The following AVPR2 variants were observed in gnomAD, a reference collection of about 807,000 sequenced individuals.
The protein encoded by AVPR2 is arginine vasopressin receptor 2.
In AVPR2, 3 loss-of-function variants were observed where a neutral mutation model predicts 12.0. That is an observed-to-expected ratio of 0.25 (90% confidence interval 0.11 to 0.64). The LOEUF is 0.64. AVPR2 is among the 30% of genes least tolerant of loss of function. The pLI is 0.84. For synonymous variants in AVPR2, 143 were observed against 147.5 expected (o/e 0.97, Z 0.22); for missense variants, 279 against 347.9 (o/e 0.80, Z 1.58).
upstream of AVPR2, among the ~76,000 whole-genome samples, chrX:153,904,530 G>A (rs1230539874): frequency 8.9e-6 from 1 of 111,751 alleles, no homozygotes; most frequent in Non-Finnish European, 1.9e-5. Context: ...GTGAGGGTGG[G>A]CGTGGAGGCT....
In AVPR2 at chrX:153,904,990, A is replaced by C. The variant is rs781941435; in HGVS notation, c.-156A>C. On this transcript the variant is annotated 5_prime_UTR_variant, in exon 2 of 4. Transcript: ENST00000646375. ...CCTGCCCAGGACTGGCCATACTGCCACCGACACGTGCACACACGCCAACAG... is the reference window on the plus strand; with the variant it reads ...CCTGCCCAGGACTGGCCATACTGCCCCCGACACGTGCACACACGCCAACAG... 13 of 634,238 alleles carry C rather than the reference A, an allele frequency of 2.0e-5. No homozygotes were observed. The East Asian group carries it at 4.3e-4, about 21-fold the overall frequency. 52.3% of individuals were successfully genotyped at this position (634,238 alleles called of 1,213,427 possible).
upstream of AVPR2, chrX:153,902,745 G>T (rs1420050175): frequency 9.1e-6 from 3 of 329,839 alleles, no homozygotes; most frequent in Admixed American, 9.3e-5. Flanking sequence ...TTAACAACAG[G>T]AAGCGAGGAG....
chrX:153,903,813 T>TTGGGCTGGGC (rs1242666049), upstream of AVPR2, among the ~76,000 whole-genome samples: 3 of 107,723 alleles, frequency 2.8e-5, no homozygotes, highest in East Asian at 2.9e-4. Flanking sequence ...AGCAGCTGCC[T>TTGGGCTGGGC]TGGGCTGGGC....
rs1557100787 is a variant in AVPR2 at position 153,906,106 on chromosome X, G to A, written c.600G>A (p.Trp200Ter). ...GCTGGGCCTGCTTTGCGGAGCCCTG[G>A]GGCCGTCGCACCTATGTCACCTGGA... ...TDCWACFAEPWGRRTYVTWIA... is the reference protein window; with the variant it reads ...TDCWACFAEP The change falls in exon 3 of 4, where the codon TGG becomes TGA. Residue 200 changes from tryptophan to a stop codon, truncating the protein, a stop_gained. Transcript: ENST00000646375. LOFTEE classifies it high-confidence loss of function. 1 of 1,212,246 alleles carries A rather than the reference G, an allele frequency of 8.2e-7. No individual in the cohort carries two copies. Among genetic ancestry groups the A allele is most frequent in the East Asian group, 3.0e-5 (1 of 33,863 alleles).
In AVPR2 at chrX:153,905,667, G is replaced by C; in HGVS notation, c.161G>C (p.Ser54Thr). ...LSIVFVAVAL[S>T]NGLVLAALAR... The stretch of plus-strand genomic sequence containing the variant: ...ATAGTCTTTGTGGCTGTGGCCCTGA[G>C]CAATGGCCTGGTGCTGGCGGCCCTA... Residue 54 changes from serine to threonine, a missense_variant, in exon 3 of 4, where the codon AGC becomes ACC. Transcript: ENST00000646375. The C allele has an allele frequency of 8.3e-7, 1 of 1,211,643 alleles. No homozygotes were observed. Among genetic ancestry groups the C allele is most frequent in the Non-Finnish European group, 1.1e-6 (1 of 895,377 alleles).
Position 153,905,575 on chromosome X carries a change from C to G in AVPR2, c.69C>G (p.Ser23Arg). 1.7e-6 allele frequency: 2 copies of G among 1,203,565 alleles called. No individual in the cohort carries two copies. Among genetic ancestry groups the G allele is most frequent in the Non-Finnish European group, 2.2e-6 (2 of 891,671 alleles). ...HPSLPSLPSN[S>R]SQERPLDTRD... ...CTCTGCCCAGCCTGCCCAGCAACAG[C>G]AGCCAGGAGAGGCCACTGGACACCC... Residue 23 changes from serine (S) to arginine (R), a missense_variant, in exon 3 of 4, where the codon AGC becomes AGG. Coordinates refer to ENST00000646375, the MANE Select transcript of AVPR2 (RefSeq NM_000054.7).
chrX:153,905,392 T>G (rs2064955135), intron 2 of AVPR2, 140 bp from the exon 3 acceptor site: 2 of 813,284 alleles, frequency 2.5e-6, no homozygotes, highest in Non-Finnish European at 3.6e-6. Flanking sequence ...GGGGTGTGTA[T>G]CCCTCATAAC....
chrX:153,907,110 T>A lies in AVPR2; in HGVS notation c.*382T>A, dbSNP rs782111421. The stretch of plus-strand genomic sequence containing the variant: ...CCAGGGGACCTTCCTGTCTCCGCCT[T>A]TCTAATCCCTCCCTCCTCATTCTCT... On this transcript the variant is annotated 3_prime_UTR_variant, in exon 4 of 4. Coordinates refer to ENST00000646375, the MANE Select transcript of AVPR2 (RefSeq NM_000054.7). 5.8e-5 allele frequency: 22 copies of A among 379,643 alleles called. No individual in the cohort carries two copies. Among genetic ancestry groups the A allele is most frequent in the Non-Finnish European group, 1.1e-4 (22 of 203,145 alleles). 31.3% of individuals were successfully genotyped at this position (379,643 alleles called of 1,213,427 possible).
upstream of AVPR2, among the ~76,000 whole-genome samples, chrX:153,903,323 C>G (rs782434973): frequency 2.0e-4 from 14 of 71,161 alleles, no homozygotes; most frequent in South Asian, 8.0e-3. Context: ...CAGCCTGCCC[C>G]CAAGGGGCTC....
Position 153,906,510 on chromosome X carries a change from T to C in AVPR2, c.911-13T>C, listed in dbSNP as rs782650466. 3.3e-5 allele frequency: 40 copies of C among 1,206,716 alleles called. No individual in the cohort carries two copies. The highest frequency in any genetic ancestry group is 4.5e-5 in the Non-Finnish European group (40 of 893,379). On this transcript the variant is annotated splice_polypyrimidine_tract_variant and intron_variant, in intron 3 of 3. Transcript: ENST00000646375. ...GCCATCCTGAACCCAACCTAGATCC[T>C]CCACCTCCACAGGGGCGCCCTTTGT... is the stretch of plus-strand genomic sequence containing the variant.
Position 153,906,108 on chromosome X carries a change from G to T in AVPR2, c.602G>T (p.Gly201Val). The change falls in exon 3 of 4, where the codon GGC becomes GTC. Residue 201 changes from glycine to valine, a missense_variant. Physicochemically the swap from Gly to Val is moderately radical, Grantham distance 109 (BLOSUM62 -3). Transcript: ENST00000646375. ...TGGGCCTGCTTTGCGGAGCCCTGGG[G>T]CCGTCGCACCTATGTCACCTGGATT... ...DCWACFAEPW[G>V]RRTYVTWIAL... 2.5e-6 allele frequency: 3 copies of T among 1,212,338 alleles called. No individual in the cohort carries two copies. The highest frequency in any genetic ancestry group is 3.3e-6 in the Non-Finnish European group (3 of 895,601).
chrX:153,906,453 T>C, intron 3 of AVPR2, 37 bp downstream of exon 3: 1 of 1,202,344 alleles, frequency 8.3e-7, no homozygotes, highest in East Asian at 3.0e-5. Flanking sequence ...CGGGGCCACT[T>C]GGGCTTGGCC....
chrX:153,903,813 TTGGGC>T (rs1242666049), upstream of AVPR2, among the ~76,000 whole-genome samples: 2 of 107,762 alleles, frequency 1.9e-5, no homozygotes, highest in African/African-American at 6.8e-5. Context: ...AGCAGCTGCC[TTGGGC>T]TGGGCTGGGC....
rs781825601 is a variant in AVPR2 at position 153,906,145 on chromosome X, G to A, written c.639G>A (p.Val213=). The change falls in exon 3 of 4, where the codon GTG becomes GTA. Residue 213 remains valine, a synonymous_variant. Coordinates refer to ENST00000646375, the MANE Select transcript of AVPR2 (RefSeq NM_000054.7). The stretch of plus-strand genomic sequence containing the variant: ...ATGTCACCTGGATTGCCCTGATGGT[G>A]TTCGTGGCACCTACCCTGGGTATCG... The part of the protein sequence containing the change: ...RTYVTWIALM[V]FVAPTLGIAA... 59 of 1,211,311 alleles carry A rather than the reference G, an allele frequency of 4.9e-5. No individual in the cohort carries two copies. Among genetic ancestry groups the A allele is most frequent in the African/African-American group, 6.9e-5 (4 of 57,590 alleles).
Position 153,905,169 on chromosome X carries a change from C to A in AVPR2, c.24C>A (p.Ser8=). The A allele has an allele frequency of 8.3e-7, 1 of 1,212,063 alleles. No individual in the cohort carries two copies. The highest frequency in any genetic ancestry group is 1.7e-5 in the African/African-American group (1 of 57,954). The part of the protein sequence containing the change: MLMASTT[S]AVPGHPSLPS... Reference sequence around the variant, plus strand: ...CCATGCTCATGGCGTCCACCACTTCCGGTAAGGCTTGCCCCTCCATGAGTC... The same window carrying A: ...CCATGCTCATGGCGTCCACCACTTCAGGTAAGGCTTGCCCCTCCATGAGTC... The change falls in exon 2 of 4, where the codon TCC becomes TCA. Residue 8 remains serine, a splice_region_variant and synonymous_variant. Coordinates refer to ENST00000646375, the MANE Select transcript of AVPR2 (RefSeq NM_000054.7).
chrX:153,903,028 G>A, upstream of AVPR2: 2 of 211,296 alleles, frequency 9.5e-6, no homozygotes, highest in South Asian at 1.2e-4. Flanking sequence ...GCACAGAAGG[G>A]GAAGCTGAGG....
Position 153,906,070 on chromosome X carries a change from G to A in AVPR2, c.564G>A (p.Gly188=). The change falls in exon 3 of 4, where the codon GGG becomes GGA. Residue 188 remains glycine, a synonymous_variant. Transcript: ENST00000646375. ...AGCGCAACGTGGAAGGTGGCAGCGG[G>A]GTCACTGACTGCTGGGCCTGCTTTG... ...FAQRNVEGGS[G]VTDCWACFAE... is the part of the protein sequence containing the mutation. 2 of 1,212,008 alleles carry A rather than the reference G, an allele frequency of 1.7e-6. No homozygotes were observed. Among genetic ancestry groups the A allele is most frequent in the Non-Finnish European group, 2.2e-6 (2 of 895,578 alleles).
chrX:153,905,244 A>G, intron 2 of AVPR2, 74 bp downstream of exon 2: 9 of 1,169,218 alleles, frequency 7.7e-6, no homozygotes, highest in Non-Finnish European at 1.0e-5. Flanking sequence ...CTTTCTAAAG[A>G]CCTCCTTCAC....
upstream of AVPR2, among the ~76,000 whole-genome samples, chrX:153,903,662 G>A (rs1472346672): frequency 8.9e-6 from 1 of 111,838 alleles, no homozygotes; most frequent in Non-Finnish European, 1.9e-5. Flanking sequence ...CCCTAACAGG[G>A]CCGGGAGGGG....
Sources: allele counts gnomAD v4.1 joint callset (sites outside exome capture counted in the v4.1 genomes callset), GRCh38; gene constraint gnomAD v4.1.1; transcripts MANE v1.5; gene names NCBI Gene and HGNC (gene_info 2026-07-23, HGNC 2026-07-21).